The following PHTF2 variants were observed in gnomAD, a reference collection of about 807,000 sequenced individuals.
PHTF2 encodes protein PHTF2.
A neutral mutation model predicts 101.2 loss-of-function variants in PHTF2; 60 were observed. That is an observed-to-expected ratio of 0.59 (90% CI 0.48 to 0.73). The LOEUF (loss-of-function observed/expected upper bound fraction) is 0.73. Among genes scored for constraint, PHTF2 ranks in the 30% least tolerant of loss-of-function variants. The probability of loss-of-function intolerance (pLI) is 0.00; values close to 1 mark genes in which losing one functional copy is unlikely to be tolerated. For missense variants in PHTF2, 747 were observed against 908.7 expected, an observed-to-expected ratio of 0.82 and a Z score of 2.29; for synonymous variants, 311 against 307.3, an observed-to-expected ratio of 1.01 and a Z score of -0.13.
At chr7:77,892,239 G>A (rs917342677) in intron 3 of PHTF2, among the ~76,000 whole-genome samples, 1 of 152,116 alleles carries the variant, frequency 6.6e-6, no homozygotes, top group Non-Finnish European at 1.5e-5. Flanking sequence ...GCAGTGAGCC[G>A]AGATTGCACC....
intron 3 of PHTF2, among the ~76,000 whole-genome samples, chr7:77,880,485 C>T (rs1799315268): frequency 6.6e-6 from 1 of 152,110 alleles, no homozygotes; most frequent in South Asian, 2.1e-4. Flanking sequence ...GCTCCAACAC[C>T]TCACACCAAG....
intron 3 of PHTF2, among the ~76,000 whole-genome samples, chr7:77,865,603 C>T (rs1797992171): frequency 6.6e-6 from 1 of 152,106 alleles, no homozygotes; most frequent in African/African-American, 2.4e-5. Flanking sequence ...TTATTACAGC[C>T]TGACTTGATA....
rs1802262109 is a variant in PHTF2, at chr7:77,910,321, GGA to G, written c.690_691del (p.Ala231SerfsTer37). The stretch of plus-strand genomic sequence containing the variant: ...TAGTACCACAGATAACACACAAGAG[GGA>G]GCAGTTCAGAACCACGGTACAAGCA... On this transcript the variant is annotated frameshift_variant, in exon 9 of 20. Transcript: ENST00000416283. LOFTEE classifies it high-confidence loss of function. The G allele has an allele frequency of 6.2e-7, 1 of 1,613,288 alleles. No individual in the cohort carries two copies. Among genetic ancestry groups the G allele is most frequent in the Admixed American group, 1.7e-5 (1 of 60,004 alleles).
chr7:77,889,477 C>T (rs1176199691), intron 3 of PHTF2, among the ~76,000 whole-genome samples: 2 of 152,126 alleles, frequency 1.3e-5, no homozygotes, highest in African/African-American at 4.8e-5. Flanking sequence ...TTCTGAGACA[C>T]CTGCATTTAG....
rs1453197835 is a variant in PHTF2, at chr7:77,950,256, TATTCTC to T, written c.2115+426_2115+431del. Among the ~76,000 whole-genome samples the T allele has an allele frequency of 3.9e-5, 6 of 152,320 alleles. No homozygotes were observed. The South Asian group carries it at 1.0e-3, about 26-fold the overall frequency. ...TTTATAGGAATTTTGTAAAGAAACTTATTCTCATGAATATTTTAGTTAGGGATAGTT... is the reference window on the plus strand; with the variant it reads ...TTTATAGGAATTTTGTAAAGAAACTTATGAATATTTTAGTTAGGGATAGTT... On this transcript the variant is annotated intron_variant, in intron 17 of 19. Coordinates refer to ENST00000416283, the Ensembl canonical transcript of PHTF2.
chr7:77,868,391 A>T (rs1300530613), intron 3 of PHTF2, among the ~76,000 whole-genome samples: 10 of 130,338 alleles, frequency 7.7e-5, no homozygotes, highest in African/African-American at 2.7e-4. Context: ...CTGGTCTTGA[A>T]CTCCCGGCTT....
intron 3 of PHTF2, among the ~76,000 whole-genome samples, chr7:77,891,099 G>A (rs549366712): frequency 6.6e-6 from 1 of 150,692 alleles, no homozygotes; most frequent in East Asian, 2.0e-4. Context: ...TGAAGAGACA[G>A]GGTTTTGCCA....
At chr7:77,926,577 A>G (rs1804019850) in intron 11 of PHTF2, among the ~76,000 whole-genome samples, 1 of 151,532 alleles carries the variant, frequency 6.6e-6, no homozygotes, top group African/African-American at 2.4e-5. Context: ...TGGTAAGGAG[A>G]TGGCCAAAAA....
chr7:77,913,248 C>T (rs1159041407), intron 9 of PHTF2, among the ~76,000 whole-genome samples: 9 of 151,740 alleles, frequency 5.9e-5, no homozygotes, highest in Non-Finnish European at 1.3e-4. Flanking sequence ...ATTAGCTGGG[C>T]GTGATAGTGG....
At chr7:77,881,515 G>GTTT (rs1428870144) in intron 3 of PHTF2, among the ~76,000 whole-genome samples, 20 of 77,004 alleles carry the variant, frequency 2.6e-4, no homozygotes, top group Non-Finnish European at 3.2e-4. Context: ...CCAATGGCTG[G>GTTT]TTTTGTTTTT....
At chr7:77,812,074 T>G (rs192044755) in intron 1 of PHTF2, among the ~76,000 whole-genome samples, 20 of 152,328 alleles carry the variant, frequency 1.3e-4, no homozygotes, top group African/African-American at 4.8e-4. Context: ...CTAACTGGAT[T>G]CCAGGAATTA....
At chr7:77,828,442 C>T (rs1240028282) in intron 1 of PHTF2, among the ~76,000 whole-genome samples, 1 of 152,064 alleles carries the variant, frequency 6.6e-6, no homozygotes, top group African/African-American at 2.4e-5. Flanking sequence ...TAAAAAGTTG[C>T]TTTAAAAGAC....
At chr7:77,938,783 T>C (rs1805384793) in intron 13 of PHTF2, among the ~76,000 whole-genome samples, 1 of 152,092 alleles carries the variant, frequency 6.6e-6, no homozygotes, top group Non-Finnish European at 1.5e-5. Flanking sequence ...TCTCAAAAAA[T>C]AAATAAATAA....
At chr7:77,863,324 C>G (rs1392819985) in intron 3 of PHTF2, among the ~76,000 whole-genome samples, 1 of 152,170 alleles carries the variant, frequency 6.6e-6, no homozygotes, top group Non-Finnish European at 1.5e-5. Context: ...AAATGTACTT[C>G]TTTTACAGCT....
chr7:77,811,477 G>T (rs911443772), intron 1 of PHTF2, among the ~76,000 whole-genome samples: 2 of 152,086 alleles, frequency 1.3e-5, no homozygotes, highest in African/African-American at 2.4e-5. Flanking sequence ...GATGATTCTT[G>T]TGTGAATCCA....
At chr7:77,802,454 G>A (rs1239250646) in intron 1 of PHTF2, among the ~76,000 whole-genome samples, 1 of 151,750 alleles carries the variant, frequency 6.6e-6, no homozygotes, top group Non-Finnish European at 1.5e-5. Flanking sequence ...TACCTAGCCT[G>A]TAGCCACATG....
At chr7:77,924,835 A>C (rs995782335) in intron 11 of PHTF2, among the ~76,000 whole-genome samples, 3 of 152,084 alleles carry the variant, frequency 2.0e-5, no homozygotes, top group Non-Finnish European at 4.4e-5. Context: ...GGAACTGGGG[A>C]TGAGATGGGG....
At chr7:77,908,149 A>T (rs1315458307) in intron 7 of PHTF2, among the ~76,000 whole-genome samples, 1 of 152,204 alleles carries the variant, frequency 6.6e-6, no homozygotes, top group East Asian at 1.9e-4. Context: ...AGACTGTGAC[A>T]AGCCTAGGTT....
At chr7:77,815,950 A>T (rs766926408) in intron 1 of PHTF2, among the ~76,000 whole-genome samples, 2 of 151,856 alleles carry the variant, frequency 1.3e-5, no homozygotes, top group Non-Finnish European at 2.9e-5. Context: ...CTCTGTTCTC[A>T]TGTATGTATG....
Sources: gnomAD v4.1 joint callset for allele counts (sites outside exome capture counted in the v4.1 genomes callset) on GRCh38, gnomAD v4.1.1 for gene constraint, MANE v1.5 for transcripts, NCBI Gene and HGNC (gene_info 2026-07-23, HGNC 2026-07-21) for gene names.